The following TMEM135 variants were observed in gnomAD, a reference collection of about 807,000 sequenced individuals.
TMEM135 encodes transmembrane protein 135.
TMEM135 carries 30 observed loss-of-function variants against 60.3 expected under a neutral mutation model. That is an observed-to-expected ratio of 0.50 (90% confidence interval 0.37 to 0.68). The LOEUF is 0.68. Among genes scored for constraint, TMEM135 ranks in the 30% least tolerant of loss-of-function variants. TMEM135 has a pLI of 0.00. For synonymous variants in TMEM135, 190 were observed against 186.7 expected (o/e 1.02, Z -0.14); for missense variants, 468 against 548.8 (o/e 0.85, Z 1.47).
chr11:87,091,378 A>G lies in TMEM135; in HGVS notation c.379A>G (p.Ile127Val). Residue 127 changes from isoleucine (I) to valine (V), a missense_variant, in exon 4 of 15, where the codon ATT becomes GTT. Coordinates refer to ENST00000305494, the MANE Select transcript of TMEM135 (RefSeq NM_022918.4). The stretch of plus-strand genomic sequence containing the variant: ...TATTTGCAGGAGAGGGCTGCTCACA[A>G]TTTATATGGCCAACTTGGTAAGTAT... The part of the protein sequence containing the change: ...ERKSRRGLLT[I>V]YMANLATETL... 2.5e-6 allele frequency: 4 copies of G among 1,612,328 alleles called. No individual in the cohort carries two copies. The highest frequency in any genetic ancestry group is 1.7e-6 in the Non-Finnish European group (2 of 1,178,964).
chr11:87,216,788 T>C (rs4943977), intron 5 of TMEM135, among the ~76,000 whole-genome samples: 4,604 of 152,270 alleles, frequency 0.03, 211 homozygotes, highest in African/African-American at 0.1. Flanking sequence ...ATTTTCCAAT[T>C]GAGGGATTTA....
At chr11:87,183,846 G>C (rs369504309) in intron 5 of TMEM135, among the ~76,000 whole-genome samples, 53 of 148,840 alleles carry the variant, frequency 3.6e-4, no homozygotes, top group African/African-American at 1.2e-3. Context: ...ATCCCAGCTA[G>C]TTGGGAGGCT....
chr11:87,079,220 G>A (rs1856935368), intron 3 of TMEM135, among the ~76,000 whole-genome samples: 1 of 152,050 alleles, frequency 6.6e-6, no homozygotes, highest in Non-Finnish European at 1.5e-5. Context: ...TGGCCAGGCT[G>A]GTCTTGAACT....
intron 4 of TMEM135, among the ~76,000 whole-genome samples, chr11:87,149,557 C>T (rs575633990): frequency 6.6e-6 from 1 of 152,316 alleles, no homozygotes; most frequent in African/African-American, 2.4e-5. Context: ...TTGTCTTAAA[C>T]AGGAATCTTT....
At chr11:87,105,916 C>G (rs978098872) in intron 4 of TMEM135, among the ~76,000 whole-genome samples, 1 of 152,094 alleles carries the variant, frequency 6.6e-6, no homozygotes, top group Non-Finnish European at 1.5e-5. Context: ...ATTCACTAAC[C>G]TCTCTTCATC....
At chr11:87,098,027 T>C (rs187514854) in intron 4 of TMEM135, among the ~76,000 whole-genome samples, 1 of 152,354 alleles carries the variant, frequency 6.6e-6, no homozygotes, top group Admixed American at 6.5e-5. Flanking sequence ...TTTGTGTGTT[T>C]TATACATTGC....
chr11:87,236,817 A>G lies in TMEM135; in HGVS notation c.509+133A>G. On this transcript the variant is annotated intron_variant, in intron 6 of 14. Coordinates refer to ENST00000305494, the MANE Select transcript of TMEM135 (RefSeq NM_022918.4). ...GCATACTCCCCCCGCACCCCCGCCC[A>G]GAGTGGACAGAGGTAAATCATTGCT... 8 of 787,708 alleles carry G rather than the reference A, an allele frequency of 1.0e-5. No homozygotes were observed. In the South Asian group the frequency reaches 1.2e-4, roughly 12 times the overall value. 48.8% of individuals were successfully genotyped at this position (787,708 alleles called of 1,614,324 possible). A position where few individuals can be genotyped will look rare whatever the true frequency, so the allele number is the denominator to read the frequency against.
chr11:87,289,025 A>G (rs1942216561), intron 6 of TMEM135, among the ~76,000 whole-genome samples: 1 of 152,172 alleles, frequency 6.6e-6, no homozygotes, highest in Admixed American at 6.5e-5. Context: ...AGATGCTTAT[A>G]TTTTTCTTAT....
At chr11:87,314,288 T>C (rs1337444451) in intron 11 of TMEM135, among the ~76,000 whole-genome samples, 183 bp from the exon 12 acceptor site, 1 of 151,908 alleles carries the variant, frequency 6.6e-6, no homozygotes, top group Admixed American at 6.6e-5. Flanking sequence ...ATCAATTTTT[T>C]AAATTTAAAA....
In TMEM135 at chr11:87,325,876, A is replaced by C. The variant is rs1322989455; in HGVS notation, c.*4543A>C. 6 of 453,668 alleles carry C rather than the reference A, an allele frequency of 1.3e-5. No individual in the cohort carries two copies. The highest frequency in any genetic ancestry group is 9.3e-5 in the South Asian group (6 of 64,464). 28.1% of individuals were successfully genotyped at this position (453,668 alleles called of 1,614,324 possible). A position where few individuals can be genotyped will look rare whatever the true frequency, so the allele number is the denominator to read the frequency against. ...ACTCTGGAATTTCCTATTTTCTTTTACTTTCTCCATTTTTTTTCCATCTGT... is the reference window on the plus strand; with the variant it reads ...ACTCTGGAATTTCCTATTTTCTTTTCCTTTCTCCATTTTTTTTCCATCTGT... On this transcript the variant is annotated 3_prime_UTR_variant, in exon 15 of 15. Transcript: ENST00000305494.
chr11:87,303,237 C>A (rs968230863), intron 8 of TMEM135, among the ~76,000 whole-genome samples: 4 of 152,144 alleles, frequency 2.6e-5, no homozygotes, highest in Non-Finnish European at 5.9e-5. Flanking sequence ...CTCATAGGAG[C>A]ACAAACCCCA....
At chr11:87,209,383 G>T (rs1230670898) in intron 5 of TMEM135, among the ~76,000 whole-genome samples, 1 of 152,100 alleles carries the variant, frequency 6.6e-6, no homozygotes, top group East Asian at 1.9e-4. Context: ...GAAAACAAGA[G>T]CTGGGGTAGC....
chr11:87,168,465 G>T (rs758520433), intron 5 of TMEM135, among the ~76,000 whole-genome samples: 1 of 151,948 alleles, frequency 6.6e-6, no homozygotes, highest in African/African-American at 2.4e-5. Flanking sequence ...TCCCTCTAAA[G>T]ACTCCTTTAG....
At chr11:87,168,229 A>G (rs111416700) in intron 5 of TMEM135, among the ~76,000 whole-genome samples, 5 of 151,402 alleles carry the variant, frequency 3.3e-5, no homozygotes, top group African/African-American at 9.7e-5. Flanking sequence ...GCTCTGGTCT[A>G]TTTTGTTAAT....
At chr11:87,248,402 G>C (rs1941338908) in intron 6 of TMEM135, among the ~76,000 whole-genome samples, 1 of 152,064 alleles carries the variant, frequency 6.6e-6, no homozygotes, top group Admixed American at 6.6e-5. Flanking sequence ...TTTTAACTAG[G>C]GTGAGATGAT....
intron 5 of TMEM135, among the ~76,000 whole-genome samples, chr11:87,218,654 T>A (rs1431152830): frequency 1.3e-5 from 2 of 152,152 alleles, no homozygotes; most frequent in Non-Finnish European, 2.9e-5. Context: ...AGCCGTCAAC[T>A]CACAGGGCTA....
intron 6 of TMEM135, among the ~76,000 whole-genome samples, chr11:87,261,169 A>G (rs1351006510): frequency 6.6e-6 from 1 of 152,204 alleles, no homozygotes; most frequent in African/African-American, 2.4e-5. Flanking sequence ...TTAAAACAGA[A>G]AATAGCTATT....
At chr11:87,129,554 T>TTTTTTTTGAAATGGAATCTTGCTCTG in intron 4 of TMEM135, among the ~76,000 whole-genome samples, 1 of 149,200 alleles carries the variant, frequency 6.7e-6, no homozygotes, top group Non-Finnish European at 1.5e-5. Flanking sequence ...ATTTTTTTTT[T>TTTTTTTTGAAATGGAATCTTGCTCTG]TTTTGAAATG....
intron 12 of TMEM135, among the ~76,000 whole-genome samples, chr11:87,317,936 T>C (rs1942759866): frequency 6.6e-6 from 1 of 152,110 alleles, no homozygotes; most frequent in South Asian, 2.1e-4. Flanking sequence ...GTACTACTAC[T>C]TGAAGCTGGG....
Sources: allele counts gnomAD v4.1 joint callset (sites outside exome capture counted in the v4.1 genomes callset), GRCh38; gene constraint gnomAD v4.1.1; transcripts MANE v1.5; gene names NCBI Gene and HGNC (gene_info 2026-07-23, HGNC 2026-07-21).